PFKFB3: variants seen among roughly 807,000 people sequenced by gnomAD.
PFKFB3 encodes the protein 6-phosphofructo-2-kinase/fructose-2,6-bisphosphatase 3.
Under a neutral mutation model 68.0 loss-of-function variants are expected in PFKFB3, and 33 were observed. That is an observed-to-expected ratio of 0.49 (90% CI 0.37 to 0.65). The LOEUF is 0.65. Ranked by LOEUF, PFKFB3 falls within the 30% of genes least tolerant of loss-of-function variation. The probability of loss-of-function intolerance (pLI) is 0.00; values close to 1 mark genes in which losing one functional copy is unlikely to be tolerated. For synonymous variants in PFKFB3, 315 were observed against 288.2 expected (o/e 1.09, Z -0.94); for missense variants, 586 against 712.2 (o/e 0.82, Z 2.02).
chr10:6,320,555 T>C, the PFKFB3 span, among the ~76,000 whole-genome samples: 1 of 152,082 alleles, frequency 6.6e-6, no homozygotes, highest in Non-Finnish European at 1.5e-5. Context: ...TCAATTGAGC[T>C]GAGACCACAG....
rs200171500 is a variant in PFKFB3, at chr10:6,248,583, C to T, written c.1516-5595C>T. ...GGCAGAGGCTGCAGTGAGCTGAGAT[C>T]GTGCCACTGGATTCCAGCCTGGGCA... is the stretch of plus-strand genomic sequence containing the variant. On this transcript the variant is annotated intron_variant, in intron 14 of 14. Transcript: ENST00000640683. 5.5e-5 allele frequency among the ~76,000 whole-genome samples: 7 copies of T among 127,064 alleles called. No individual in the cohort carries two copies. In the East Asian group the frequency reaches 1.5e-3, roughly 28 times the overall value. 83.4% of individuals were successfully genotyped at this position (127,064 alleles called of 152,430 possible).
At chr10:6,277,020 G>A in the PFKFB3 span, among the ~76,000 whole-genome samples, 1 of 151,944 alleles carries the variant, frequency 6.6e-6, no homozygotes, top group African/African-American at 2.4e-5. Context: ...CCACCTGCTG[G>A]CAACCACTAA....
intron 14 of PFKFB3, among the ~76,000 whole-genome samples, chr10:6,230,681 G>A (rs1845677597): frequency 6.6e-6 from 1 of 151,952 alleles, no homozygotes; most frequent in African/African-American, 2.4e-5. Flanking sequence ...GACTTGGGGA[G>A]GGGAAATCCC....
chr10:6,233,632 A>G lies in PFKFB3; in HGVS notation c.*690A>G, dbSNP rs1243984463. 6.5e-6 allele frequency: 1 copy of G among 152,798 alleles called. No individual in the cohort carries two copies. Among genetic ancestry groups the G allele is most frequent in the African/African-American group, 2.4e-5 (1 of 41,464 alleles). 9.5% of individuals were successfully genotyped at this position (152,798 alleles called of 1,614,324 possible). A position where few individuals can be genotyped will look rare whatever the true frequency, so the allele number is the denominator to read the frequency against. On this transcript the variant is annotated 3_prime_UTR_variant, in exon 15 of 15. Coordinates refer to ENST00000379775, the MANE Select transcript of PFKFB3 (RefSeq NM_004566.4). ...GCTGGCTGCACGGGGAGAGGGAAGT[A>G]TTTTGCCGAAATATGAGAACTGGGG... is the stretch of plus-strand genomic sequence containing the variant.
intron 1 of PFKFB3, among the ~76,000 whole-genome samples, chr10:6,148,001 G>A (rs1037100456): frequency 1.3e-5 from 2 of 152,358 alleles, no homozygotes; most frequent in East Asian, 3.9e-4. Flanking sequence ...GACAGCTACT[G>A]AATGTAGTTA....
At chr10:6,241,526 G>C (rs892272082) in intron 14 of PFKFB3, among the ~76,000 whole-genome samples, 1 of 152,154 alleles carries the variant, frequency 6.6e-6, no homozygotes, top group Admixed American at 6.5e-5. Context: ...AAGAATCTGT[G>C]GCCATGTGTT....
the PFKFB3 span, among the ~76,000 whole-genome samples, chr10:6,307,367 A>C: frequency 7.5e-6 from 1 of 133,490 alleles, no homozygotes; most frequent in Admixed American, 7.6e-5. Flanking sequence ...ACACACACAC[A>C]CTCACCCTAC....
the PFKFB3 span, among the ~76,000 whole-genome samples, chr10:6,313,044 G>A: frequency 1.4e-4 from 22 of 152,304 alleles, no homozygotes; most frequent in Middle Eastern, 3.4e-3. This position sits in a 1 kb window ranked among gnomAD's most constrained non-coding sequence, Gnocchi z 4.2. Flanking sequence ...GAATACTTTT[G>A]TTTGGCAAGA....
the PFKFB3 span, among the ~76,000 whole-genome samples, chr10:6,296,222 CT>C: frequency 6.3e-4 from 90 of 141,810 alleles, no homozygotes; most frequent in Non-Finnish European, 7.6e-4. Context: ...CTTTTCTTTT[CT>C]TTTTTTTTTT....
At chr10:6,254,127 T>C (rs1846447885) in intron 14 of PFKFB3, 1 of 391,528 alleles carries the variant, frequency 2.6e-6, no homozygotes, top group African/African-American at 2.2e-5. Context: ...TCTTTAGCCC[T>C]TTCTGAGGTA....
the PFKFB3 span, among the ~76,000 whole-genome samples, chr10:6,286,465 C>T: frequency 2.0e-5 from 3 of 152,082 alleles, no homozygotes; most frequent in African/African-American, 7.2e-5. Flanking sequence ...GCAACCTCTG[C>T]CTCCTGGGTT....
chr10:6,229,169 G>C lies in PFKFB3; in HGVS notation c.1515+2804G>C, dbSNP rs762332498. The C allele has an allele frequency of 1.9e-6, 1 of 527,502 alleles. No individual in the cohort carries two copies. The highest frequency in any genetic ancestry group is 3.9e-6 in the Non-Finnish European group (1 of 256,908). The allele number at this position is 527,502 out of a possible 1,614,324, so 32.7% of individuals were successfully genotyped here. ...ATGCTGAAAAGAATGACTGGCTTTG[G>C]AAATGGGAGAGGTTTGGCATGGCGC... On this transcript the variant is annotated intron_variant, in intron 14 of 14. Transcript: ENST00000379775. The surrounding 1 kb of genome is among the most constrained non-coding windows in gnomAD (Gnocchi z 4.3).
At chr10:6,232,703 GC>G (rs141699709) in intron 14 of PFKFB3, among the ~76,000 whole-genome samples, 191 bp from the exon 15 acceptor site, 2,132 of 151,756 alleles carry the variant, frequency 0.014, 116 homozygotes, top group Admixed American at 0.086. Flanking sequence ...GGGTTATCTT[GC>G]GTCATGTTCT....
At chr10:6,312,457 G>A in the PFKFB3 span, among the ~76,000 whole-genome samples, 3 of 152,100 alleles carry the variant, frequency 2.0e-5, no homozygotes, top group Non-Finnish European at 4.4e-5. Context: ...GAATGGGGCC[G>A]TGTGAGCCAT....
the PFKFB3 span, among the ~76,000 whole-genome samples, chr10:6,273,979 G>A: frequency 6.6e-6 from 1 of 152,128 alleles, no homozygotes; most frequent in Non-Finnish European, 1.5e-5. Flanking sequence ...GCTGAGGCAG[G>A]AGGATCACTT....
At chr10:6,181,267 A>G (rs1447567928) in intron 1 of PFKFB3, among the ~76,000 whole-genome samples, 1 of 152,184 alleles carries the variant, frequency 6.6e-6, no homozygotes, top group Non-Finnish European at 1.5e-5. Context: ...GTGATCCTCT[A>G]GTCTCAGCCT....
At chr10:6,239,650 C>T (rs1040607651), downstream of PFKFB3, among the ~76,000 whole-genome samples, 1 of 152,158 alleles carries the variant, frequency 6.6e-6, no homozygotes. Flanking sequence ...TTGGGGATTT[C>T]CTATTCCTGG....
At chr10:6,182,462 A>G (rs1183318361) in intron 1 of PFKFB3, among the ~76,000 whole-genome samples, 1 of 152,110 alleles carries the variant, frequency 6.6e-6, no homozygotes, top group Non-Finnish European at 1.5e-5. Flanking sequence ...TTTCCATCCT[A>G]GGGCCGAGCT....
rs368503704 is a variant in PFKFB3 at position 6,224,159 on chromosome 10, G to A, written c.1287G>A (p.Val429=). Residue 429 remains valine (V), a synonymous_variant, in exon 13 of 15, where the codon GTG becomes GTA. Transcript: ENST00000379775. The stretch of plus-strand genomic sequence containing the variant: ...TCCCACGCCCTCCAGGCTGCCGTGT[G>A]GAATCCATCTACCTGAACGTGGAGT... ...KLTPVAYGCR[V]ESIYLNVESV... 8.1e-6 allele frequency: 13 copies of A among 1,614,190 alleles called. No individual in the cohort carries two copies. The highest frequency in any genetic ancestry group is 1.0e-5 in the Non-Finnish European group (12 of 1,180,018).
Sources: gnomAD v4.1 joint callset for allele counts (sites outside exome capture counted in the v4.1 genomes callset) on GRCh38, gnomAD v4.1.1 for gene constraint, Gnocchi (gnomAD v3.1) non-coding constraint, MANE v1.5 for transcripts, NCBI Gene and HGNC (gene_info 2026-07-23, HGNC 2026-07-21) for gene names.